The following TMTC4 variants were observed in gnomAD, a reference collection of about 807,000 sequenced individuals.
The protein encoded by TMTC4 is transmembrane O-mannosyltransferase targeting cadherins 4, also known as protein O-mannosyl-transferase TMTC4.
A neutral mutation model predicts 86.0 loss-of-function variants in TMTC4; 65 were observed. The ratio of observed to expected loss-of-function variants is 0.76; its 90% CI spans 0.62 to 0.93. TMTC4 has a LOEUF of 0.93. Ranked by LOEUF, TMTC4 falls within the 40% of genes least tolerant of loss-of-function variation. TMTC4 has a pLI of 0.00. For synonymous variants in TMTC4, 379 were observed against 382.5 expected, an observed-to-expected ratio of 0.99 and a Z score of 0.11; for missense variants, 866 against 948.1, an observed-to-expected ratio of 0.91 and a Z score of 1.14.
Position 100,612,421 on chromosome 13 carries a change from G to A in TMTC4, c.2041C>T (p.Leu681=). 1 of 1,609,890 alleles carries A rather than the reference G, an allele frequency of 6.2e-7. No homozygotes were observed. The highest frequency in any genetic ancestry group is 8.5e-7 in the Non-Finnish European group (1 of 1,178,680). ...HSLMFSLANV[L]GKSQKYKESE... Reference sequence around the variant, plus strand: ...ACCTTGTATTTCTGGGATTTCCCCAGCACGTTTGCCAACGAGAACATGAGA... The same window carrying A: ...ACCTTGTATTTCTGGGATTTCCCCAACACGTTTGCCAACGAGAACATGAGA... The change falls in exon 17 of 19, where the codon CTG becomes TTG. Residue 681 remains leucine (L), a synonymous_variant. Coordinates refer to ENST00000342624, the MANE Select transcript of TMTC4 (RefSeq NM_032813.5).
intron 9 of TMTC4, 25 bp downstream of exon 9, chr13:100,637,512 CA>C (rs768955405): frequency 1.9e-6 from 3 of 1,591,574 alleles, no homozygotes; most frequent in East Asian, 4.5e-5. Flanking sequence ...GAAAAGAGTC[CA>C]GGGGGCGGCA....
At chr13:100,674,883 TCCCCACGCGCGCGGGCGCC>T, upstream of TMTC4, 58 of 973,798 alleles carry the variant, frequency 6.0e-5, no homozygotes, top group Non-Finnish European at 7.1e-5. Flanking sequence ...CTCCCGCAGC[TCCCCACGCGCGCGGGCGCC>T]CCCCAGCACC....
chr13:100,636,991 C>T (rs1282047772), intron 9 of TMTC4, among the ~76,000 whole-genome samples: 1 of 152,134 alleles, frequency 6.6e-6, no homozygotes, highest in Non-Finnish European at 1.5e-5. Context: ...TCTGGCAAAG[C>T]TATGATCTAT....
intron 2 of TMTC4, 77 bp from the exon 3 acceptor site, chr13:100,668,871 A>T: frequency 7.4e-7 from 1 of 1,357,830 alleles, no homozygotes; most frequent in Non-Finnish European, 1.0e-6. Context: ...CGTGAGTAAG[A>T]GCTAGATAGT....
rs1876400872 is a variant in TMTC4, at chr13:100,605,243, G to GTT, written c.2135-103_2135-102dup. 1 of 1,326,754 alleles carries GTT rather than the reference G, an allele frequency of 7.5e-7. No individual in the cohort carries two copies. The highest frequency in any genetic ancestry group is 1.0e-6 in the Non-Finnish European group (1 of 974,752). 82.2% of individuals were successfully genotyped at this position (1,326,754 alleles called of 1,614,324 possible). A position where few individuals can be genotyped will look rare whatever the true frequency, so the allele number is the denominator to read the frequency against. ...AAATATTACAGATCCTATGCAAACA[G>GTT]TTTTCAAAAGTCAATTGTATGAAAC... is the stretch of plus-strand genomic sequence containing the variant. On this transcript the variant is annotated intron_variant, in intron 18 of 18. Coordinates refer to ENST00000342624, the MANE Select transcript of TMTC4 (RefSeq NM_032813.5). This position sits in a 1 kb window ranked among gnomAD's most constrained non-coding sequence, Gnocchi z 4.3.
At position 100,634,797 on chromosome 13, in the gene TMTC4, C is replaced by G; in HGVS notation, c.1506+8G>C. ...GGTCCCTTTAAAAGAAATCTGGCAG[C>G]TAGGTACCTTAGCATTGAGGGGACA... On this transcript the variant is annotated splice_region_variant and intron_variant, in intron 12 of 18. Coordinates refer to ENST00000342624, the MANE Select transcript of TMTC4 (RefSeq NM_032813.5). The G allele has an allele frequency of 6.2e-7, 1 of 1,611,648 alleles. No homozygotes were observed. Among genetic ancestry groups the G allele is most frequent in the Non-Finnish European group, 8.5e-7 (1 of 1,179,196 alleles).
chr13:100,635,183 C>A lies in TMTC4; in HGVS notation c.1215G>T (p.Leu405=), dbSNP rs1213536051. The A allele has an allele frequency of 1.2e-6, 2 of 1,604,544 alleles. No individual in the cohort carries two copies. The highest frequency in any genetic ancestry group is 2.7e-5 in the African/African-American group (2 of 74,534). Residue 405 remains leucine, a synonymous_variant, in exon 11 of 19, where the codon CTG becomes CTT. Transcript: ENST00000342624. ...EDGHKRRILT[L]GLGFLVIPFL... is the part of the protein sequence containing the mutation. ...ATGGGATAACGAGAAATCCCAGGCC[C>A]AGAGTAAGGATCCTGGATGATGAAA...
At chr13:100,632,971 G>A (rs978072479) in intron 12 of TMTC4, among the ~76,000 whole-genome samples, 15 of 151,998 alleles carry the variant, frequency 9.9e-5, no homozygotes, top group African/African-American at 3.6e-4. Context: ...AGCAAATAGC[G>A]TTCTCTTCCC....
At chr13:100,619,088 C>T (rs1389359022) in intron 15 of TMTC4, among the ~76,000 whole-genome samples, 7 of 147,378 alleles carry the variant, frequency 4.7e-5, no homozygotes, top group South Asian at 2.2e-4. Context: ...CGCCCCTCAC[C>T]TCCCGGACGG....
chr13:100,637,768 AC>A, intron 8 of TMTC4, 66 bp from the exon 9 acceptor site: 1 of 1,585,054 alleles, frequency 6.3e-7, no homozygotes, highest in Non-Finnish European at 8.6e-7. Context: ...TGAGCCAGGT[AC>A]AGATGTGCAG....
intron 6 of TMTC4, among the ~76,000 whole-genome samples, chr13:100,646,724 T>C (rs1442278943): frequency 6.6e-6 from 1 of 152,194 alleles, no homozygotes; most frequent in African/African-American, 2.4e-5. Flanking sequence ...CTTAGATCCA[T>C]CAAGCAAACT....
intron 3 of TMTC4, among the ~76,000 whole-genome samples, chr13:100,665,562 C>T (rs1886294617): frequency 1.3e-5 from 2 of 152,228 alleles, no homozygotes; most frequent in African/African-American, 4.8e-5. Context: ...GGGCCCCCAC[C>T]TCGCGTGACC....
chr13:100,633,445 T>C (rs529807743), intron 12 of TMTC4, among the ~76,000 whole-genome samples: 25 of 151,652 alleles, frequency 1.6e-4, no homozygotes, highest in African/African-American at 5.8e-4. Flanking sequence ...CCACTTCTGA[T>C]AGAAAAGGGC....
At position 100,660,330 on chromosome 13, in the gene TMTC4, C is replaced by CA. The variant is rs56177115; in HGVS notation, c.552+2633dup. ...CAGGTGACAGAGTGAGACTGTGTATCAAAAAAAAAAAAAAAAAAGAAAAGA... is the reference window on the plus strand; with the variant it reads ...CAGGTGACAGAGTGAGACTGTGTATCAAAAAAAAAAAAAAAAAAAGAAAAGA... On this transcript the variant is annotated intron_variant, in intron 5 of 18. Transcript: ENST00000342624. 2.2e-3 allele frequency among the ~76,000 whole-genome samples: 289 copies of CA among 131,086 alleles called. 2 individuals carry two copies. Among genetic ancestry groups the CA allele is most frequent in the African/African-American group, 6.6e-3 (216 of 32,584 alleles). The allele number at this position is 131,086 out of a possible 152,430, so 86.0% of individuals were successfully genotyped here.
At chr13:100,674,422 G>A (rs988907810) in intron 1 of TMTC4, 3 of 914,922 alleles carry the variant, frequency 3.3e-6, no homozygotes, top group African/African-American at 3.6e-5. Context: ...CGCCGGCGCG[G>A]CTGTGCAGGC....
chr13:100,645,981 C>T (rs191430905), intron 6 of TMTC4, among the ~76,000 whole-genome samples: 7 of 152,110 alleles, frequency 4.6e-5, no homozygotes, highest in African/African-American at 1.7e-4. Context: ...TCAGTAGGGG[C>T]GTGGGGAGGG....
Position 100,636,647 on chromosome 13 carries a change from T to G in TMTC4, c.1087A>C (p.Ile363Leu), listed in dbSNP as rs537588259. The change falls in exon 10 of 19, where the codon ATC becomes CTC. Residue 363 changes from isoleucine to leucine, a missense_variant. Coordinates refer to ENST00000342624, the MANE Select transcript of TMTC4 (RefSeq NM_032813.5). ...WLCFDWSMGC[I>L]PLIKSISDWR... The stretch of plus-strand genomic sequence containing the variant: ...TCGCTGATGGACTTAATGAGGGGGA[T>G]GCAGCCCATTGACCAATCAAAACAC... 2 of 1,614,224 alleles carry G rather than the reference T, an allele frequency of 1.2e-6. No individual in the cohort carries two copies. The highest frequency in any genetic ancestry group is 2.2e-5 in the South Asian group (2 of 91,078).
chr13:100,624,084 TCGGAGGCTGAGG>T (rs1880025306), intron 15 of TMTC4: 1 of 198,768 alleles, frequency 5.0e-6, no homozygotes, highest in Non-Finnish European at 1.0e-5. Flanking sequence ...CCCAGCACTT[TCGGAGGCTGAGG>T]CGGGCGGATC....
At chr13:100,648,309 C>T (rs996117802) in intron 6 of TMTC4, among the ~76,000 whole-genome samples, 1 of 151,266 alleles carries the variant, frequency 6.6e-6, no homozygotes, top group East Asian at 1.9e-4. Context: ...AATACAAAAC[C>T]GATTTTGGAA....
Sources: gnomAD v4.1 joint callset for allele counts (sites outside exome capture counted in the v4.1 genomes callset) on GRCh38, gnomAD v4.1.1 for gene constraint, Gnocchi (gnomAD v3.1) non-coding constraint, MANE v1.5 for transcripts, NCBI Gene and HGNC (gene_info 2026-07-23, HGNC 2026-07-21) for gene names.